BNC1: variants seen among roughly 807,000 people sequenced by gnomAD.
BNC1 encodes the protein basonuclin zinc finger protein 1.
In BNC1, 8 loss-of-function variants were observed where a neutral mutation model predicts 66.5. That is an observed-to-expected ratio of 0.12 (90% CI 0.07 to 0.22). BNC1 has a LOEUF of 0.22. Among genes scored for constraint, BNC1 ranks in the 10% least tolerant of loss-of-function variants. The pLI is 1.00. For missense variants in BNC1, 1,069 were observed against 1,241.3 expected, an observed-to-expected ratio of 0.86 and a Z score of 2.09; for synonymous variants, 454 against 452.6, an observed-to-expected ratio of 1.00 and a Z score of -0.04.
intron 4 of BNC1, 125 bp from the exon 5 acceptor site, chr15:83,258,251 G>GT: frequency 1.0e-6 from 1 of 1,003,424 alleles, no homozygotes; most frequent in Non-Finnish European, 1.4e-6. Flanking sequence ...TGATAAGGGG[G>GT]TAGGCCCCCA....
At chr15:83,277,471 G>A (rs1241671452) in intron 1 of BNC1, among the ~76,000 whole-genome samples, 2 of 151,868 alleles carry the variant, frequency 1.3e-5, no homozygotes, top group Non-Finnish European at 2.9e-5. Context: ...CACCACACCC[G>A]GCTAACTTTT....
At chr15:83,266,454 C>T (rs568614451) in intron 3 of BNC1, among the ~76,000 whole-genome samples, 2 of 152,242 alleles carry the variant, frequency 1.3e-5, no homozygotes, top group African/African-American at 4.8e-5. Flanking sequence ...CTGTGTGGTT[C>T]ATGTAAGTTC....
chr15:83,271,643 C>T lies in BNC1; in HGVS notation c.100-3411G>A, dbSNP rs60183489. Among the ~76,000 whole-genome samples, 500 of 152,122 alleles carry T rather than the reference C, an allele frequency of 3.3e-3. 2 individuals are homozygous for T. The highest frequency in any genetic ancestry group is 0.012 in the African/African-American group (481 of 41,484). ...TACTCTATGTATAAACACAGATGTA[C>T]ATACATACATAAACCTATATCGCAA... On this transcript the variant is annotated intron_variant, in intron 1 of 4. Transcript: ENST00000345382.
chr15:83,262,810 C>T (rs2038158925), intron 4 of BNC1, 141 bp downstream of exon 4: 2 of 870,792 alleles, frequency 2.3e-6, no homozygotes, highest in East Asian at 2.7e-5. Flanking sequence ...ACTCTCAGGC[C>T]TCACCCTAGA....
chr15:83,284,338 C>G (rs1322752142), intron 1 of BNC1, among the ~76,000 whole-genome samples, 192 bp downstream of exon 1: 74 of 151,970 alleles, frequency 4.9e-4, no homozygotes, highest in Non-Finnish European at 1.0e-4. Flanking sequence ...CCCCAACCCC[C>G]CCGCCGCCGC....
rs748163823 is a variant in BNC1, at chr15:83,264,698, T to C, written c.553A>G (p.Ile185Val). ...ETKSIVELMAIQEKEEQSIII... is the reference protein window; with the variant it reads ...ETKSIVELMAVQEKEEQSIII... ...ATGGATTGCTCTTCTTTCTCTTGAATTGCCATGAGTTCAACTATAGATTTG... is the reference window on the plus strand; with the variant it reads ...ATGGATTGCTCTTCTTTCTCTTGAACTGCCATGAGTTCAACTATAGATTTG... Residue 185 changes from isoleucine (I) to valine (V), a missense_variant, in exon 4 of 5, where the codon ATT becomes GTT. Ile to Val is a conservative substitution (Grantham distance 29). Around this residue, in one of 7 missense-constraint regions of BNC1, gnomAD observed 181 missense variants for 181.5 expected, o/e 1.00. Transcript: ENST00000345382. 3.7e-6 allele frequency: 6 copies of C among 1,614,166 alleles called. No individual in the cohort carries two copies. Among genetic ancestry groups the C allele is most frequent in the South Asian group, 3.3e-5 (3 of 91,072 alleles).
chr15:83,270,163 G>C (rs2038255924), intron 1 of BNC1, among the ~76,000 whole-genome samples: 2 of 152,198 alleles, frequency 1.3e-5, no homozygotes, highest in Admixed American at 6.5e-5. Context: ...GAGAAAAACA[G>C]CTTTATCGAG....
chr15:83,281,180 T>C (rs868777746), intron 1 of BNC1, among the ~76,000 whole-genome samples: 3 of 152,152 alleles, frequency 2.0e-5, no homozygotes, highest in East Asian at 1.9e-4. Flanking sequence ...CAGTGGAAGC[T>C]TGGAATTTCC....
chr15:83,264,440 C>G lies in BNC1; in HGVS notation c.811G>C (p.Asp271His). 3 of 1,614,148 alleles carry G rather than the reference C, an allele frequency of 1.9e-6. No homozygotes were observed. ...PEQYMLEQGH[D>H]QSQDPKQEVH... ...TCCTGTTTGGGGTCCTGACTTTGGT[C>G]ATGACCCTGCTCCAACATATATTGT... The change falls in exon 4 of 5, where the codon GAC (aspartate) becomes CAC (histidine). Residue 271 changes from aspartate to histidine, a missense_variant. By Grantham distance (81) the Asp-to-His change is moderately conservative. Coordinates refer to ENST00000345382, the MANE Select transcript of BNC1 (RefSeq NM_001717.4).
intron 1 of BNC1, among the ~76,000 whole-genome samples, chr15:83,271,939 AT>A (rs1420787601): frequency 6.6e-6 from 1 of 152,206 alleles, no homozygotes; most frequent in Non-Finnish European, 1.5e-5. Context: ...TGATGGTTGA[AT>A]TTACATTACA....
chr15:83,263,893 G>C lies in BNC1; in HGVS notation c.1358C>G (p.Pro453Arg). The change falls in exon 4 of 5, where the codon CCT becomes CGT. Residue 453 changes from proline to arginine, a missense_variant. Physicochemically the swap from Pro to Arg is moderately radical, Grantham distance 103. Around this residue, in one of 7 missense-constraint regions of BNC1, gnomAD observed 657 missense variants for 715.8 expected, o/e 0.92. Coordinates refer to ENST00000345382, the MANE Select transcript of BNC1 (RefSeq NM_001717.4). ...CTCTCCTGAACCAGGGTAGCTGGGAGGAGGCCTACAGTCTGGGGACGTCAC... is the reference window on the plus strand; with the variant it reads ...CTCTCCTGAACCAGGGTAGCTGGGACGAGGCCTACAGTCTGGGGACGTCAC... ...FTVTSPDCRP[P>R]PSYPGSGEDS... 1 of 1,614,206 alleles carries C rather than the reference G, an allele frequency of 6.2e-7. No homozygotes were observed. Among genetic ancestry groups the C allele is most frequent in the Non-Finnish European group, 8.5e-7 (1 of 1,180,032 alleles).
intron 3 of BNC1, 104 bp downstream of exon 3, chr15:83,266,732 G>T: frequency 9.9e-7 from 1 of 1,007,474 alleles, no homozygotes; most frequent in Non-Finnish European, 1.6e-6. Context: ...AGGGAAAGAT[G>T]GCCACCAAGG....
At chr15:83,266,631 C>A (rs1379616623) in intron 3 of BNC1, among the ~76,000 whole-genome samples, 1 of 151,992 alleles carries the variant, frequency 6.6e-6, no homozygotes, top group Non-Finnish European at 1.5e-5. Context: ...ATGTAATGCT[C>A]CTAAAGCTTC....
chr15:83,284,534 G>A lies in BNC1; in HGVS notation c.95C>T (p.Ala32Val). 8.4e-7 allele frequency: 1 copy of A among 1,185,830 alleles called. No individual in the cohort carries two copies. Among genetic ancestry groups the A allele is most frequent in the South Asian group, 2.0e-5 (1 of 49,722 alleles). 73.5% of individuals were successfully genotyped at this position (1,185,830 alleles called of 1,614,324 possible). A position where few individuals can be genotyped will look rare whatever the true frequency, so the allele number is the denominator to read the frequency against. ...CGCGGAGGGCGCCGCGCTTACCTCG[G>A]CCATCCTGCGACCGCTGCGGTGCCG... ...QPRHRSGRRMAEAISCTLNCS... is the reference protein window; with the variant it reads ...QPRHRSGRRMVEAISCTLNCS... The change falls in exon 1 of 5, where the codon GCC becomes GTC. Residue 32 changes from alanine (A) to valine (V), a missense_variant. Coordinates refer to ENST00000345382, the MANE Select transcript of BNC1 (RefSeq NM_001717.4).
rs1388946617 is a variant in BNC1 at position 83,283,140 on chromosome 15, G to A, written c.99+1390C>T. Reference sequence around the variant, plus strand: ...GAGATGGCATTCCACTTAACTGTCAGACTCGGAGCGGTGGCAGCCCCGCAG... The same window carrying A: ...GAGATGGCATTCCACTTAACTGTCAAACTCGGAGCGGTGGCAGCCCCGCAG... On this transcript the variant is annotated intron_variant, in intron 1 of 4. Coordinates refer to ENST00000345382, the MANE Select transcript of BNC1 (RefSeq NM_001717.4). 5.2e-6 allele frequency: 8 copies of A among 1,535,520 alleles called. No individual in the cohort carries two copies. The South Asian group carries it at 5.9e-5, about 11-fold the overall frequency.
chr15:83,273,454 G>A (rs2038287890), intron 1 of BNC1, among the ~76,000 whole-genome samples: 2 of 152,152 alleles, frequency 1.3e-5, no homozygotes, highest in Admixed American at 1.3e-4. Context: ...CCATTCTTCA[G>A]AAACATAAAG....
At position 83,268,206 on chromosome 15, in the gene BNC1, A is replaced by G; in HGVS notation, c.126T>C (p.Ser42=). ...AEAISCTLNC[S]CQSFKPGKIN... is the part of the protein sequence containing the mutation. ...TTTTCCCGGGTTTGAAACTTTGGCA[A>G]CTACAGTTCAGAGTACAGCTGATAG... is the stretch of plus-strand genomic sequence containing the variant. Residue 42 remains serine (S), a synonymous_variant, in exon 2 of 5, where the codon AGT becomes AGC. Coordinates refer to ENST00000345382, the MANE Select transcript of BNC1 (RefSeq NM_001717.4). The G allele has an allele frequency of 6.2e-7, 1 of 1,614,214 alleles. No homozygotes were observed. Among genetic ancestry groups the G allele is most frequent in the Non-Finnish European group, 8.5e-7 (1 of 1,180,014 alleles).
chr15:83,274,529 C>G (rs1248268349), intron 1 of BNC1, among the ~76,000 whole-genome samples: 1 of 152,200 alleles, frequency 6.6e-6, no homozygotes, highest in Non-Finnish European at 1.5e-5. Flanking sequence ...GAAAGCTCTA[C>G]TGGACAAGGC....
At chr15:83,268,015 G>C (rs1269451261) in intron 2 of BNC1, 118 bp downstream of exon 2, 2 of 801,702 alleles carry the variant, frequency 2.5e-6, no homozygotes. Flanking sequence ...GGACATGCTA[G>C]TAACTTACTA....
Sources: allele counts gnomAD v4.1 joint callset (sites outside exome capture counted in the v4.1 genomes callset), GRCh38; gene constraint gnomAD v4.1.1; regional missense constraint gnomAD v4.1.1; transcripts MANE v1.5; gene names NCBI Gene and HGNC (gene_info 2026-07-23, HGNC 2026-07-21).